Variants in SNX22 observed in about 807,000 individuals in gnomAD.
SNX22 encodes the protein sorting nexin 22, also known as sorting nexin-22.
In SNX22, 23 loss-of-function variants were observed where a neutral mutation model predicts 24.7. The observed-to-expected ratio is 0.93, with a 90% confidence interval of 0.67 to 1.32. The LOEUF is 1.32. Among genes scored for constraint, SNX22 ranks in the 40% most tolerant of loss-of-function variants. The pLI is 0.00. For synonymous variants in SNX22, 99 were observed against 104.0 expected, an observed-to-expected ratio of 0.95 and a Z score of 0.29; for missense variants, 261 against 249.9, an observed-to-expected ratio of 1.04 and a Z score of -0.30.
At position 64,153,701 on chromosome 15, in the gene SNX22, G is replaced by GC. The variant is rs1567343291; in HGVS notation, c.392+20dup. On this transcript the variant is annotated intron_variant, in intron 5 of 6. Transcript: ENST00000325881. ...CGACAGCAGGCAAGTCAAAGCCCTA[G>GC]CCCGCGCTTGGCCCCTGCTGCCCCC... 1 of 1,614,054 alleles carries GC rather than the reference G, an allele frequency of 6.2e-7. No individual in the cohort carries two copies. The highest frequency in any genetic ancestry group is 1.7e-5 in the Admixed American group (1 of 60,026).
intron 3 of SNX22, 106 bp from the exon 4 acceptor site, chr15:64,153,139 G>A (rs1329687203): frequency 2.1e-6 from 3 of 1,396,946 alleles, no homozygotes; most frequent in African/African-American, 1.4e-5. Context: ...TGCTGTCATT[G>A]TCGTGAAATT....
chr15:64,156,537 G>A lies in SNX22; in HGVS notation c.*2029G>A. 3.9e-6 allele frequency: 3 copies of A among 767,620 alleles called. No individual in the cohort carries two copies. The highest frequency in any genetic ancestry group is 6.6e-6 in the Non-Finnish European group (3 of 452,996). The allele number at this position is 767,620 out of a possible 1,614,324, so 47.6% of individuals were successfully genotyped here. A position where few individuals can be genotyped will look rare whatever the true frequency, so the allele number is the denominator to read the frequency against. On this transcript the variant is annotated 3_prime_UTR_variant, in exon 7 of 7. Coordinates refer to ENST00000325881, the MANE Select transcript of SNX22 (RefSeq NM_024798.3). This position sits in a 1 kb window ranked among gnomAD's most constrained non-coding sequence, Gnocchi z 6.4. ...GCAGCCTTCCTGGCTGGGCTCTGAG[G>A]GGGCTGGAAGAATTTAGAACCTTGG...
In SNX22 at chr15:64,153,779, G is replaced by T. The variant is rs1404144215; in HGVS notation, c.392+95G>T. Reference sequence around the variant, plus strand: ...TGCTGCCTGGGCCTGTCTGGCCTGGGCCCTGAAGTCTGTTTTCCCTTTGGT... The same window carrying T: ...TGCTGCCTGGGCCTGTCTGGCCTGGTCCCTGAAGTCTGTTTTCCCTTTGGT... On this transcript the variant is annotated intron_variant, in intron 5 of 6. Coordinates refer to ENST00000325881, the MANE Select transcript of SNX22 (RefSeq NM_024798.3). 1.9e-6 allele frequency: 3 copies of T among 1,601,666 alleles called. No homozygotes were observed. In the East Asian group the frequency reaches 6.7e-5, roughly 36 times the overall value.
At position 64,153,967 on chromosome 15, in the gene SNX22, T is replaced by G. The variant is rs141501142; in HGVS notation, c.425T>G (p.Phe142Cys). The stretch of plus-strand genomic sequence containing the variant: ...CAGCACCAGCGGCCTGTCCTGAGCT[T>G]CCATGTGGATCCCTATGTTTGCAAC... ...SQQHQRPVLS[F>C]HVDPYVCNPS... Residue 142 changes from phenylalanine to cysteine, a missense_variant, in exon 6 of 7, where the codon TTC becomes TGC. By Grantham distance (205) the Phe-to-Cys change is radical. Transcript: ENST00000325881. 189 of 1,613,878 alleles carry G rather than the reference T, an allele frequency of 1.2e-4. No individual in the cohort carries two copies. The African/African-American group carries it at 2.3e-3, about 20-fold the overall frequency.
In SNX22 at chr15:64,156,662, TG is replaced by T; in HGVS notation, c.*2158del. The T allele has an allele frequency of 6.3e-7, 1 of 1,593,094 alleles. No individual in the cohort carries two copies. Among genetic ancestry groups the T allele is most frequent in the Non-Finnish European group, 8.6e-7 (1 of 1,160,976 alleles). ...GGATGGACACATGGAGCTCCTGCCC[TG>T]GGGTCTGTGTTGAATCCCCGGTGAG... On this transcript the variant is annotated 3_prime_UTR_variant, in exon 7 of 7. Transcript: ENST00000325881. The surrounding 1 kb of genome is among the most constrained non-coding windows in gnomAD (Gnocchi z 6.4).
intron 3 of SNX22, 60 bp downstream of exon 3, chr15:64,152,802 AGAGAGGTGTG>A: frequency 6.7e-7 from 1 of 1,488,888 alleles, no homozygotes; most frequent in East Asian, 2.3e-5. Flanking sequence ...TGGCCCAGAC[AGAGAGGTGTG>A]GGGGCATGGC....
rs139875923 is a variant in SNX22 at position 64,154,429 on chromosome 15, T to C, written c.503T>C (p.Leu168Pro). 6.2e-7 allele frequency: 1 copy of C among 1,614,036 alleles called. No individual in the cohort carries two copies. Among genetic ancestry groups the C allele is most frequent in the African/African-American group, 1.3e-5 (1 of 74,914 alleles). Residue 168 changes from leucine (L) to proline (P), a missense_variant, in exon 7 of 7, where the codon CTC (leucine) becomes CCC (proline). Transcript: ENST00000325881. ...NVVVNGVLQG[L>P]YSFSISPDKA... ...GTGGTGAATGGTGTGCTCCAGGGCC[T>C]CTACAGCTTCAGCATCAGCCCAGAT...
At position 64,153,676 on chromosome 15, in the gene SNX22, C is replaced by A. The variant is rs747541757; in HGVS notation, c.384C>A (p.Gly128=). 13 of 1,613,924 alleles carry A rather than the reference C, an allele frequency of 8.1e-6. No individual in the cohort carries two copies. Among genetic ancestry groups the A allele is most frequent in the Non-Finnish European group, 1.1e-5 (13 of 1,180,004 alleles). ...NWGTLREFLP[G]DSSSQQHQRP... Reference sequence around the variant, plus strand: ...GCACCCTGAGGGAGTTCCTGCCTGGCGACAGCAGGCAAGTCAAAGCCCTAG... The same window carrying A: ...GCACCCTGAGGGAGTTCCTGCCTGGAGACAGCAGGCAAGTCAAAGCCCTAG... Residue 128 remains glycine (G), a synonymous_variant, in exon 5 of 7, where the codon GGC becomes GGA. Coordinates refer to ENST00000325881, the MANE Select transcript of SNX22 (RefSeq NM_024798.3).
At chr15:64,153,838 T>C in intron 5 of SNX22, 97 bp from the exon 6 acceptor site, 1 of 1,592,044 alleles carries the variant, frequency 6.3e-7, no homozygotes. Context: ...CACCTTTTCC[T>C]TCATGGGTCC....
Position 64,153,680 on chromosome 15 carries a change from A to C in SNX22, c.388A>C (p.Ser130Arg), listed in dbSNP as rs777173607. Residue 130 changes from serine to arginine, a missense_variant, in exon 5 of 7, where the codon AGC becomes CGC. Transcript: ENST00000325881. ...CCTGAGGGAGTTCCTGCCTGGCGAC[A>C]GCAGGCAAGTCAAAGCCCTAGCCCG... ...GTLREFLPGD[S>R]SSQQHQRPVL... The C allele has an allele frequency of 1.1e-5, 18 of 1,613,930 alleles. No individual in the cohort carries two copies. The highest frequency in any genetic ancestry group is 1.5e-5 in the Non-Finnish European group (18 of 1,180,020).
At position 64,156,145 on chromosome 15, in the gene SNX22, C is replaced by A. The variant is rs760777976; in HGVS notation, c.*1637C>A. The A allele has an allele frequency of 6.2e-7, 1 of 1,614,130 alleles. No homozygotes were observed. Among genetic ancestry groups the A allele is most frequent in the Non-Finnish European group, 8.5e-7 (1 of 1,180,032 alleles). On this transcript the variant is annotated 3_prime_UTR_variant, in exon 7 of 7. Coordinates refer to ENST00000325881, the MANE Select transcript of SNX22 (RefSeq NM_024798.3). This position sits in a 1 kb window ranked among gnomAD's most constrained non-coding sequence, Gnocchi z 6.4. ...GTGCTCTCCACCTTCCGCACCACCTCCTGGAAAAGAAAGGTGGAAGCAGGA... is the reference window on the plus strand; with the variant it reads ...GTGCTCTCCACCTTCCGCACCACCTACTGGAAAAGAAAGGTGGAAGCAGGA...
Position 64,157,058 on chromosome 15 carries a change from T to G in SNX22, c.*2550T>G, listed in dbSNP as rs1263229835. ...GGACATAAAAGCAGCGTCCTTCCTA[T>G]CTTCTGGCCTCAGAGCCAAGCCATG... On this transcript the variant is annotated 3_prime_UTR_variant, in exon 7 of 7. Transcript: ENST00000325881. The surrounding 1 kb of genome is among the most constrained non-coding windows in gnomAD (Gnocchi z 4.2). The G allele has an allele frequency of 3.6e-6, 3 of 844,464 alleles. No homozygotes were observed. The highest frequency in any genetic ancestry group is 5.4e-6 in the Non-Finnish European group (3 of 552,848). The allele number at this position is 844,464 out of a possible 1,614,324, so 52.3% of individuals were successfully genotyped here.
chr15:64,156,286 AAC>A lies in SNX22; in HGVS notation c.*1780_*1781del, dbSNP rs1412896927. 3 of 1,079,046 alleles carry A rather than the reference AAC, an allele frequency of 2.8e-6. No homozygotes were observed. In the African/African-American group the frequency reaches 4.7e-5, roughly 17 times the overall value. The allele number at this position is 1,079,046 out of a possible 1,614,324, so 66.8% of individuals were successfully genotyped here. ...ACAAAACTGGAGGCACCAAAATTCT[AAC>A]AGACTCCTGGCCAGAGCAGGGAGAA... is the stretch of plus-strand genomic sequence containing the variant. On this transcript the variant is annotated 3_prime_UTR_variant, in exon 7 of 7. Transcript: ENST00000325881. The surrounding 1 kb of genome is among the most constrained non-coding windows in gnomAD (Gnocchi z 6.4).
In SNX22 at chr15:64,152,301, G is replaced by A; in HGVS notation, c.134G>A (p.Ser45Asn). Reference sequence around the variant, plus strand: ...AGACACACGGTGCCAAGGCGCTACAGCGAGTTCCACGCGCTGCACAAGCGG... The same window carrying A: ...AGACACACGGTGCCAAGGCGCTACAACGAGTTCCACGCGCTGCACAAGCGG... ...GRRHTVPRRYSEFHALHKRIK... is the reference protein window; with the variant it reads ...GRRHTVPRRYNEFHALHKRIK... The change falls in exon 2 of 7, where the codon AGC becomes AAC. Residue 45 changes from serine to asparagine, a missense_variant. By Grantham distance (46) the Ser-to-Asn change is conservative. Coordinates refer to ENST00000325881, the MANE Select transcript of SNX22 (RefSeq NM_024798.3). The A allele has an allele frequency of 6.6e-7, 1 of 1,512,770 alleles. No homozygotes were observed. The highest frequency in any genetic ancestry group is 8.8e-7 in the Non-Finnish European group (1 of 1,138,178). The allele number at this position is 1,512,770 out of a possible 1,614,324, so 93.7% of individuals were successfully genotyped here.
chr15:64,154,126 C>CA, intron 6 of SNX22, 124 bp downstream of exon 6: 1 of 1,604,206 alleles, frequency 6.2e-7, no homozygotes, highest in Non-Finnish European at 8.5e-7. Flanking sequence ...ACCTCCTGCT[C>CA]CTGTCCCCTG....
At position 64,154,594 on chromosome 15, in the gene SNX22, C is replaced by T; in HGVS notation, c.*86C>T. 6 of 1,524,674 alleles carry T rather than the reference C, an allele frequency of 3.9e-6. No homozygotes were observed. Among genetic ancestry groups the T allele is most frequent in the Non-Finnish European group, 3.6e-6 (4 of 1,123,264 alleles). 94.4% of individuals were successfully genotyped at this position (1,524,674 alleles called of 1,614,324 possible). On this transcript the variant is annotated 3_prime_UTR_variant, in exon 7 of 7. Transcript: ENST00000325881. ...CATATAAGGCTGGGTCCTCCTTTGG[C>T]CTGGACCCAGGACTTAATTACCCAG...
chr15:64,154,206 T>G, intron 6 of SNX22, 181 bp from the exon 7 acceptor site: 14 of 1,576,426 alleles, frequency 8.9e-6, no homozygotes, highest in Non-Finnish European at 1.2e-5. Flanking sequence ...GCAGCCTGAC[T>G]TCTTTACCAA....
rs1394402973 is a variant in SNX22 at position 64,156,394 on chromosome 15, A to C, written c.*1886A>C. On this transcript the variant is annotated 3_prime_UTR_variant, in exon 7 of 7. Transcript: ENST00000325881. This position sits in a 1 kb window ranked among gnomAD's most constrained non-coding sequence, Gnocchi z 6.4. ...TGGGCCAAGGGTGAGGAGGAGGAAG[A>C]GGGTGACCAGGGCATGTGGCTTCTC... The C allele has an allele frequency of 3.2e-6, 2 of 632,696 alleles. No homozygotes were observed. The highest frequency in any genetic ancestry group is 1.8e-5 in the South Asian group (1 of 54,276). 39.2% of individuals were successfully genotyped at this position (632,696 alleles called of 1,614,324 possible).
Position 64,156,758 on chromosome 15 carries a change from C to T in SNX22, c.*2250C>T, listed in dbSNP as rs1423078665. 6.2e-7 allele frequency: 1 copy of T among 1,614,228 alleles called. No homozygotes were observed. The highest frequency in any genetic ancestry group is 2.2e-5 in the East Asian group (1 of 44,892). ...CTAGAACTTTGCCAAACACCACATG[C>T]TTGCCATCTAGCCAGGCTGTCTTGA... On this transcript the variant is annotated 3_prime_UTR_variant, in exon 7 of 7. Transcript: ENST00000325881. This position sits in a 1 kb window ranked among gnomAD's most constrained non-coding sequence, Gnocchi z 6.4.
Sources: allele counts gnomAD v4.1 joint callset, GRCh38; gene constraint gnomAD v4.1.1; non-coding constraint Gnocchi (gnomAD v3.1); transcripts MANE v1.5; gene names NCBI Gene and HGNC (gene_info 2026-07-23, HGNC 2026-07-21).